The following ZNF469 variants were observed in gnomAD, a reference collection of about 807,000 sequenced individuals.
The protein encoded by ZNF469 is zinc finger protein 469.
A neutral mutation model predicts 1.0 loss-of-function variants in ZNF469; 1 was observed. The observed-to-expected ratio is 1.00, with a 90% CI of 0.35 to 4.73. The LOEUF (loss-of-function observed/expected upper bound fraction) is 4.73, where lower values mean the gene tolerates loss of function less well. Ranked by LOEUF, ZNF469 falls within the 30% of genes most tolerant of loss-of-function variation. ZNF469 has a pLI of 0.16. For missense variants in ZNF469, 6,100 were observed against 5,356.3 expected (o/e 1.14, Z -4.33); for synonymous variants, 2,703 against 2,363.4 (o/e 1.14, Z -4.17).
the ZNF469 span, among the ~76,000 whole-genome samples, chr16:88,141,555 G>A: frequency 1.2e-5 from 1 of 84,706 alleles, no homozygotes; most frequent in African/African-American, 5.1e-5. Flanking sequence ...TGGGAAAGAG[G>A]TCCTGGGAGG....
At chr16:88,148,113 G>A in the ZNF469 span, among the ~76,000 whole-genome samples, 1 of 151,570 alleles carries the variant, frequency 6.6e-6, no homozygotes, top group African/African-American at 2.4e-5. Flanking sequence ...TTGTGTGTAC[G>A]CCAGCGGTCA....
the ZNF469 span, among the ~76,000 whole-genome samples, chr16:88,372,966 C>A: frequency 2.0e-5 from 3 of 152,282 alleles, no homozygotes; most frequent in African/African-American, 7.2e-5. Flanking sequence ...ATCATCACCA[C>A]CATCATCATG....
the ZNF469 span, among the ~76,000 whole-genome samples, chr16:88,184,594 C>T: frequency 1.3e-5 from 2 of 151,974 alleles, no homozygotes; most frequent in Non-Finnish European, 2.9e-5. Context: ...CCTTCCCGTT[C>T]CCGTTTCAGG....
At chr16:88,377,782 C>T in the ZNF469 span, among the ~76,000 whole-genome samples, 12 of 152,286 alleles carry the variant, frequency 7.9e-5, no homozygotes, top group Admixed American at 2.6e-4. Flanking sequence ...GCGCGGACCA[C>T]GCCACCCCTC....
At chr16:88,107,854 T>C in the ZNF469 span, among the ~76,000 whole-genome samples, 2 of 152,186 alleles carry the variant, frequency 1.3e-5, 1 homozygote, top group South Asian at 4.1e-4. Context: ...ACAGGGCCCA[T>C]GTTGGGCTCC....
chr16:88,298,284 C>A, the ZNF469 span, among the ~76,000 whole-genome samples: 1 of 152,198 alleles, frequency 6.6e-6, no homozygotes, highest in Non-Finnish European at 1.5e-5. Context: ...CAGGGCTTCC[C>A]GGACCAAGAA....
At chr16:88,306,632 C>T in the ZNF469 span, among the ~76,000 whole-genome samples, 14 of 152,272 alleles carry the variant, frequency 9.2e-5, no homozygotes, top group East Asian at 1.5e-3. Context: ...CATGACTGCC[C>T]GGCATTGCTT....
At chr16:88,392,262 G>A (rs1487827792) in intron 1 of ZNF469, among the ~76,000 whole-genome samples, 5 of 152,272 alleles carry the variant, frequency 3.3e-5, no homozygotes, top group African/African-American at 4.8e-5. Flanking sequence ...ATGTGCAAAC[G>A]CTCCGTGGCC....
At chr16:88,250,486 T>G in the ZNF469 span, among the ~76,000 whole-genome samples, 1 of 152,244 alleles carries the variant, frequency 6.6e-6, no homozygotes, top group African/African-American at 2.4e-5. Flanking sequence ...TGCCCGGGCT[T>G]CACTGAGATT....
the ZNF469 span, among the ~76,000 whole-genome samples, chr16:88,123,722 C>T: frequency 2.0e-5 from 3 of 152,216 alleles, no homozygotes; most frequent in Admixed American, 6.5e-5. Context: ...CTAGTTTTTT[C>T]ATTTTCTAGT....
chr16:88,436,266 A>T lies in ZNF469; in HGVS notation c.8796A>T (p.Ala2932=), dbSNP rs759047524. Residue 2932 remains alanine, a synonymous_variant, in exon 3 of 3, where the codon GCA becomes GCT. Coordinates refer to ENST00000565624, the MANE Select transcript of ZNF469 (RefSeq NM_001367624.2). The stretch of plus-strand genomic sequence containing the variant: ...ACCCGTGGGAGGACGAGGATCCCGC[A>T]GGTCTGCCCGAGTCCTTCCTCCTGG... The part of the protein sequence containing the change: ...HEDPWEDEDP[A]GLPESFLLDG... 23 of 1,549,810 alleles carry T rather than the reference A, an allele frequency of 1.5e-5. No homozygotes were observed. Among genetic ancestry groups the T allele is most frequent in the Admixed American group, 2.0e-5 (1 of 50,986 alleles).
In ZNF469 at chr16:88,437,270, C is replaced by T. The variant is rs1205639918; in HGVS notation, c.9800C>T (p.Pro3267Leu). The change falls in exon 3 of 3, where the codon CCG (proline) becomes CTG (leucine). Residue 3267 changes from proline (P) to leucine (L), a missense_variant. By Grantham distance (98) the Pro-to-Leu change is moderately conservative. Transcript: ENST00000565624. Reference protein sequence around the residue: ...GQEGEAKKDSPGERAKPRARS... With the variant: ...GQEGEAKKDSLGERAKPRARS... ...GAGGGAGAAGCCAAGAAAGACAGCC[C>T]GGGCGAGAGGGCGAAACCCCGGGCA... is the stretch of plus-strand genomic sequence containing the variant. The T allele has an allele frequency of 6.5e-6, 10 of 1,548,328 alleles. No individual in the cohort carries two copies. Among genetic ancestry groups the T allele is most frequent in the South Asian group, 2.4e-5 (2 of 83,972 alleles).
the ZNF469 span, among the ~76,000 whole-genome samples, chr16:88,303,388 C>A: frequency 2.0e-5 from 3 of 152,238 alleles, no homozygotes; most frequent in African/African-American, 7.2e-5. Context: ...GCTGTTCTTT[C>A]CAGTGGGCCT....
upstream of ZNF469, among the ~76,000 whole-genome samples, chr16:88,380,921 CACACAG>C (rs147516507): frequency 0.43 from 56,348 of 130,770 alleles, 14,974 homozygotes; most frequent in African/African-American, 0.75. Context: ...GACATGCACT[CACACAG>C]ACACGCACTC....
intron 1 of ZNF469, among the ~76,000 whole-genome samples, chr16:88,420,236 C>A (rs1017763262): frequency 6.6e-6 from 1 of 152,240 alleles, no homozygotes; most frequent in Non-Finnish European, 1.5e-5. Context: ...CCAGTCCCTG[C>A]TGTTTGGGAA....
chr16:88,249,932 C>G, the ZNF469 span, among the ~76,000 whole-genome samples: 7 of 152,250 alleles, frequency 4.6e-5, no homozygotes, highest in African/African-American at 1.7e-4. Context: ...GTGCTCCTCC[C>G]TGACCTTCAG....
the ZNF469 span, among the ~76,000 whole-genome samples, chr16:88,173,827 A>G: frequency 1.3e-5 from 2 of 152,212 alleles, no homozygotes; most frequent in African/African-American, 4.8e-5. Flanking sequence ...TTCAATAAAA[A>G]TTAAAAATTA....
At chr16:88,369,271 C>T in the ZNF469 span, among the ~76,000 whole-genome samples, 2 of 152,168 alleles carry the variant, frequency 1.3e-5, no homozygotes, top group Non-Finnish European at 2.9e-5. Context: ...GGCAGGACGC[C>T]CAGCACATGC....
At chr16:88,345,559 C>T in the ZNF469 span, among the ~76,000 whole-genome samples, 6 of 152,104 alleles carry the variant, frequency 3.9e-5, no homozygotes, top group Admixed American at 2.0e-4. Flanking sequence ...CTCTGTAAGA[C>T]GAGAGGCCTC....
Sources: gnomAD v4.1 joint callset for allele counts (sites outside exome capture counted in the v4.1 genomes callset) on GRCh38, gnomAD v4.1.1 for gene constraint, MANE v1.5 for transcripts, NCBI Gene and HGNC (gene_info 2026-07-23, HGNC 2026-07-21) for gene names.